The following TGIF1 variants were observed in gnomAD, a reference collection of about 807,000 sequenced individuals.
The protein encoded by TGIF1 is homeobox protein TGIF1.
A neutral mutation model predicts 19.3 loss-of-function variants in TGIF1; 4 were observed. That is an observed-to-expected ratio of 0.21 (90% CI 0.10 to 0.47). The LOEUF is 0.47. Among genes scored for constraint, TGIF1 ranks in the 20% least tolerant of loss-of-function variants. The probability of loss-of-function intolerance (pLI) is 0.98; values close to 1 mark genes in which losing one functional copy is unlikely to be tolerated. For synonymous variants in TGIF1, 122 were observed against 129.3 expected (o/e 0.94, Z 0.38); for missense variants, 275 against 341.4 (o/e 0.81, Z 1.53).
upstream of TGIF1, chr18:3,447,781 C>T: frequency 6.2e-7 from 1 of 1,614,178 alleles, no homozygotes; most frequent in Non-Finnish European, 8.5e-7. Flanking sequence ...CCCGATCAAG[C>T]CTGACTTCTA....
rs746105517 is a variant in TGIF1 at position 3,452,006 on chromosome 18, T to C, written c.16+1501T>C. The C allele has an allele frequency of 3.1e-6, 5 of 1,605,450 alleles. No individual in the cohort carries two copies. In the Admixed American group the frequency reaches 6.7e-5, roughly 22 times the overall value. ...TGGTTCTAGCGCAGAGCCGGGTGTC[T>C]GCCGGGGTGGGCTCCCCGCATTGTT... On this transcript the variant is annotated intron_variant, in intron 1 of 2. Coordinates refer to ENST00000343820, the MANE Select transcript of TGIF1 (RefSeq NM_003244.4).
At chr18:3,429,007 C>G (rs866350297) in intron 2 of TGIF1, among the ~76,000 whole-genome samples, 3 of 152,044 alleles carry the variant, frequency 2.0e-5, no homozygotes, top group African/African-American at 7.2e-5. Flanking sequence ...GAGCCGAGAT[C>G]GCGCCACTGC....
chr18:3,431,360 C>T (rs1356753626), intron 2 of TGIF1, among the ~76,000 whole-genome samples: 2 of 151,914 alleles, frequency 1.3e-5, no homozygotes, highest in Non-Finnish European at 1.5e-5. Flanking sequence ...GGCTTGAACC[C>T]GGGAGGTGGA....
At chr18:3,432,515 T>C (rs1421285653) in intron 2 of TGIF1, among the ~76,000 whole-genome samples, 1 of 152,218 alleles carries the variant, frequency 6.6e-6, no homozygotes, top group Admixed American at 6.5e-5. Flanking sequence ...ATACATTCTC[T>C]GGTGTATAAG....
chr18:3,449,438 T>A, upstream of TGIF1: 1 of 985,434 alleles, frequency 1.0e-6, no homozygotes, highest in Non-Finnish European at 1.2e-6. Flanking sequence ...CAAGTGTCTG[T>A]CCGCAACGTG....
intron 1 of TGIF1, among the ~76,000 whole-genome samples, chr18:3,413,259 A>C (rs775085288): frequency 2.0e-5 from 3 of 152,224 alleles, no homozygotes; most frequent in Non-Finnish European, 4.4e-5. Context: ...ATGTTAAAGG[A>C]TGGGAACATG....
At chr18:3,417,612 A>G (rs766944042) in intron 1 of TGIF1, among the ~76,000 whole-genome samples, 2 of 152,218 alleles carry the variant, frequency 1.3e-5, no homozygotes, top group African/African-American at 2.4e-5. Flanking sequence ...TTTTGTCTAT[A>G]TAACTGTTAT....
intron 1 of TGIF1, among the ~76,000 whole-genome samples, chr18:3,417,327 T>C (rs1201124771): frequency 6.6e-6 from 1 of 152,102 alleles, no homozygotes. Context: ...GTCCGGCTAA[T>C]TTTTGTATTT....
At chr18:3,452,318 G>T (rs368811074) in intron 1 of TGIF1, 2 of 1,613,008 alleles carry the variant, frequency 1.2e-6, no homozygotes, top group Non-Finnish European at 1.7e-6. Context: ...GGGAACTTCC[G>T]CGGTCCCCAT....
chr18:3,432,145 CACTA>C (rs1269280721), intron 2 of TGIF1, among the ~76,000 whole-genome samples: 12 of 124,652 alleles, frequency 9.6e-5, no homozygotes, highest in African/African-American at 1.6e-4. Context: ...AAAAAAAAAA[CACTA>C]AGAAAGCTAA....
chr18:3,444,339 T>C (rs1396172888), intron 2 of TGIF1, among the ~76,000 whole-genome samples: 1 of 151,316 alleles, frequency 6.6e-6, no homozygotes, highest in Admixed American at 6.6e-5. Flanking sequence ...TTACATTTGG[T>C]GGTACATGTG....
chr18:3,436,723 G>A (rs1439218281), intron 2 of TGIF1, among the ~76,000 whole-genome samples: 2 of 152,106 alleles, frequency 1.3e-5, no homozygotes, highest in Non-Finnish European at 2.9e-5. Flanking sequence ...GGAGGCTGAG[G>A]CAGGAGAATC....
intron 2 of TGIF1, among the ~76,000 whole-genome samples, chr18:3,424,494 A>G (rs1361039629): frequency 7.0e-6 from 1 of 142,528 alleles, no homozygotes; most frequent in Admixed American, 7.3e-5. Context: ...CTCCTGTGAT[A>G]TTGTGAAATA....
chr18:3,429,009 C>T (rs1471631465), intron 2 of TGIF1, among the ~76,000 whole-genome samples: 3 of 152,074 alleles, frequency 2.0e-5, no homozygotes, highest in Admixed American at 6.6e-5. Context: ...GCCGAGATCG[C>T]GCCACTGCAC....
chr18:3,445,765 C>G (rs8090766), upstream of TGIF1, among the ~76,000 whole-genome samples: 26 of 35,832 alleles, frequency 7.3e-4, no homozygotes, highest in South Asian at 1.5e-3. Flanking sequence ...AGAAGAAAAG[C>G]AAAAAAAAAA....
At chr18:3,428,723 C>G (rs1206868720) in intron 2 of TGIF1, among the ~76,000 whole-genome samples, 1 of 151,020 alleles carries the variant, frequency 6.6e-6, no homozygotes, top group Non-Finnish European at 1.5e-5. Flanking sequence ...GGCGACAGAG[C>G]AAGACTTCAT....
chr18:3,440,024 GAA>G (rs535096578), intron 2 of TGIF1, among the ~76,000 whole-genome samples: 1 of 121,854 alleles, frequency 8.2e-6, no homozygotes. Flanking sequence ...CTGTCTCAAA[GAA>G]AAAAAAAAAA....
At chr18:3,422,071 G>A (rs543379064) in intron 2 of TGIF1, among the ~76,000 whole-genome samples, 12 of 151,888 alleles carry the variant, frequency 7.9e-5, no homozygotes, top group African/African-American at 2.7e-4. Flanking sequence ...GTGGTCACCT[G>A]TAATCCTAGC....
At chr18:3,449,878 G>T, upstream of TGIF1, 1 of 985,562 alleles carries the variant, frequency 1.0e-6, no homozygotes, top group Non-Finnish European at 1.2e-6. Flanking sequence ...GCCCCGGGAA[G>T]AAAGGCCCAA....
Sources: gnomAD v4.1 joint callset for allele counts (sites outside exome capture counted in the v4.1 genomes callset) on GRCh38, gnomAD v4.1.1 for gene constraint, MANE v1.5 for transcripts, NCBI Gene and HGNC (gene_info 2026-07-23, HGNC 2026-07-21) for gene names.